Variants in MYO9B observed in about 807,000 individuals in gnomAD.
The protein encoded by MYO9B is unconventional myosin-IXb.
Under a neutral mutation model 229.5 loss-of-function variants are expected in MYO9B, and 71 were observed. That is an observed-to-expected ratio of 0.31 (90% CI 0.26 to 0.38). MYO9B has a LOEUF of 0.38. Among genes scored for constraint, MYO9B ranks in the 10% least tolerant of loss-of-function variants. The pLI is 1.00. For missense variants in MYO9B, 2,255 were observed against 2,920.5 expected, an observed-to-expected ratio of 0.77 and a Z score of 5.25; for synonymous variants, 1,185 against 1,235.8, an observed-to-expected ratio of 0.96 and a Z score of 0.86.
Position 17,185,945 on chromosome 19 carries a change from G to A in MYO9B, c.2521G>A (p.Ala841Thr). The A allele has an allele frequency of 6.2e-7, 1 of 1,613,902 alleles. No individual in the cohort carries two copies. The highest frequency in any genetic ancestry group is 8.5e-7 in the Non-Finnish European group (1 of 1,179,810). ...GACATCCCTTAACAAGCTCTTGGAG[G>A]CACTGGGGAAGGCGGAGCCCTTCTT... ...FQTSLNKLLE[A>T]LGKAEPFFIR... The change falls in exon 18 of 40, where the codon GCA (alanine) becomes ACA (threonine). Residue 841 changes from alanine to threonine, a missense_variant. Physicochemically the swap from Ala to Thr is moderately conservative, Grantham distance 58. Coordinates refer to ENST00000682292, the MANE Select transcript of MYO9B (RefSeq NM_004145.4).
In MYO9B at chr19:17,211,892, A is replaced by G; in HGVS notation, c.6059-3A>G. The stretch of plus-strand genomic sequence containing the variant: ...AGTAACCCTGCCATCTGTCTCTCAA[A>G]AGGGCCCCCTGCGCCTGCTCTCCCT... On this transcript the variant is annotated splice_region_variant and splice_polypyrimidine_tract_variant and intron_variant, in intron 39 of 39. Coordinates refer to ENST00000682292, the MANE Select transcript of MYO9B (RefSeq NM_004145.4). 1 of 1,583,880 alleles carries G rather than the reference A, an allele frequency of 6.3e-7. No individual in the cohort carries two copies. Among genetic ancestry groups the G allele is most frequent in the East Asian group, 2.2e-5 (1 of 44,454 alleles).
intron 7 of MYO9B, among the ~76,000 whole-genome samples, chr19:17,159,191 C>G (rs923374793): frequency 8.6e-6 from 1 of 116,910 alleles, no homozygotes; most frequent in Non-Finnish European, 1.6e-5. Context: ...GAGACTCTGT[C>G]TCAAACAAAC....
At chr19:17,091,969 T>C (rs2123480319) in intron 1 of MYO9B, among the ~76,000 whole-genome samples, 1 of 152,266 alleles carries the variant, frequency 6.6e-6, no homozygotes, top group Middle Eastern at 3.4e-3. Flanking sequence ...CCCACAGGCT[T>C]TGTTCCCAGC....
intron 1 of MYO9B, among the ~76,000 whole-genome samples, chr19:17,086,402 A>G (rs1239837919): frequency 6.6e-6 from 1 of 152,138 alleles, no homozygotes; most frequent in Non-Finnish European, 1.5e-5. Context: ...GGCCTCAGCA[A>G]CCATTTGCCC....
At chr19:17,180,855 C>A (rs887162419) in intron 14 of MYO9B, 72 bp from the exon 15 acceptor site, 2 of 1,051,960 alleles carry the variant, frequency 1.9e-6, no homozygotes, top group Non-Finnish European at 2.8e-6. Context: ...GCGCTGGGAA[C>A]CCCGAGGTGG....
chr19:17,079,764 C>A (rs924539683), intron 1 of MYO9B, among the ~76,000 whole-genome samples: 1 of 152,184 alleles, frequency 6.6e-6, no homozygotes, highest in Admixed American at 6.5e-5. Flanking sequence ...CCCACCAGCC[C>A]TTTGTGTGCC....
intron 2 of MYO9B, among the ~76,000 whole-genome samples, chr19:17,132,179 T>TA (rs1491376293): frequency 2.7e-5 from 2 of 73,964 alleles, no homozygotes; most frequent in Non-Finnish European, 5.1e-5. Context: ...ATTTTATTTC[T>TA]TTTTTTTTTT....
intron 7 of MYO9B, 61 bp from the exon 8 acceptor site, chr19:17,159,334 G>A (rs2072572826): frequency 6.8e-7 from 1 of 1,460,848 alleles, no homozygotes; most frequent in Admixed American, 2.0e-5. Flanking sequence ...GTGATACCAG[G>A]ACATGCCTGA....
In MYO9B at chr19:17,102,560, G is replaced by A. The variant is rs375111116; in HGVS notation, c.840+3G>A. 1.9e-6 allele frequency: 3 copies of A among 1,576,078 alleles called. No homozygotes were observed. Among genetic ancestry groups the A allele is most frequent in the Non-Finnish European group, 2.6e-6 (3 of 1,159,292 alleles). On this transcript the variant is annotated splice_donor_region_variant and intron_variant, in intron 2 of 39. Coordinates refer to ENST00000682292, the MANE Select transcript of MYO9B (RefSeq NM_004145.4). ...TGGGTGCTGGCCCTGTGCTGGAGGT[G>A]AGCGGGGAAGCTGGTCGGTCTGTGG...
At chr19:17,191,294 C>A in intron 20 of MYO9B, 75 bp downstream of exon 20, 1 of 1,453,288 alleles carries the variant, frequency 6.9e-7, no homozygotes, top group Non-Finnish European at 9.1e-7. Context: ...TCCCCAGGCC[C>A]CCAGGGCCAC....
At chr19:17,094,050 T>TGTTGTC (rs1245838971) in intron 1 of MYO9B, among the ~76,000 whole-genome samples, 8 of 143,932 alleles carry the variant, frequency 5.6e-5, no homozygotes, top group African/African-American at 2.0e-4. Context: ...TTGTTGTTGT[T>TGTTGTC]GTTAAGACGG....
intron 1 of MYO9B, among the ~76,000 whole-genome samples, chr19:17,079,754 C>A (rs1263945761): frequency 6.6e-6 from 1 of 152,190 alleles, no homozygotes; most frequent in Non-Finnish European, 1.5e-5. Flanking sequence ...CCACACCCCA[C>A]CCACCAGCCC....
intron 28 of MYO9B, 86 bp from the exon 29 acceptor site, chr19:17,202,756 A>G (rs2073121363): frequency 1.5e-6 from 2 of 1,372,906 alleles, no homozygotes; most frequent in Non-Finnish European, 2.0e-6. Context: ...CAGGGTACCC[A>G]CACGCCTGAG....
Position 17,205,346 on chromosome 19 carries a change from C to CG in MYO9B, c.5064+11dup. 6.2e-7 allele frequency: 1 copy of CG among 1,612,458 alleles called. No homozygotes were observed. Among genetic ancestry groups the CG allele is most frequent in the Non-Finnish European group, 8.5e-7 (1 of 1,178,722 alleles). ...CACCTACGGGAGGAAGGTGAGTGTA[C>CG]GAGGCCTGGAACTTTCTACAATGAC... On this transcript the variant is annotated intron_variant, in intron 31 of 39. Coordinates refer to ENST00000682292, the MANE Select transcript of MYO9B (RefSeq NM_004145.4).
In MYO9B at chr19:17,186,020, T is replaced by G. The variant is rs2072915549; in HGVS notation, c.2577+19T>G. ...TGAAAAGGTGAGTTTCTCTAAGGTG[T>G]TTGGGAGGAGAAGGCCCATGCCGGA... On this transcript the variant is annotated intron_variant, in intron 18 of 39. Transcript: ENST00000682292. The G allele has an allele frequency of 6.2e-7, 1 of 1,611,068 alleles. No homozygotes were observed. Among genetic ancestry groups the G allele is most frequent in the South Asian group, 1.1e-5 (1 of 91,012 alleles).
intron 2 of MYO9B, among the ~76,000 whole-genome samples, chr19:17,112,717 C>T (rs1010443152): frequency 6.6e-6 from 1 of 152,172 alleles, no homozygotes; most frequent in Non-Finnish European, 1.5e-5. Context: ...GTGCACCAGC[C>T]ACACAAAGAA....
At position 17,196,782 on chromosome 19, in the gene MYO9B, G is replaced by T. The variant is rs2073047960; in HGVS notation, c.4047-1010G>T. On this transcript the variant is annotated intron_variant, in intron 22 of 39. Coordinates refer to ENST00000682292, the MANE Select transcript of MYO9B (RefSeq NM_004145.4). ...AGGTAGGTAGAGACAATGAATGGAGGGATGGAAGATAGGTAGAGATGATGG... is the reference window on the plus strand; with the variant it reads ...AGGTAGGTAGAGACAATGAATGGAGTGATGGAAGATAGGTAGAGATGATGG... Among the ~76,000 whole-genome samples, 3 of 152,152 alleles carry T rather than the reference G, an allele frequency of 2.0e-5. No homozygotes were observed. In the South Asian group the frequency reaches 6.2e-4, roughly 32 times the overall value.
rs1206960842 is a variant in MYO9B at position 17,162,331 on chromosome 19, AC to A, written c.1420-14del. 3.4e-5 allele frequency: 52 copies of A among 1,550,930 alleles called. No homozygotes were observed. Among genetic ancestry groups the A allele is most frequent in the Middle Eastern group, 3.3e-4 (2 of 6,012 alleles). ...GGGCCTGCCGTGCCGGAGGTGAGTC[AC>A]CCCCTCTGTGTCCACAGGCCATCAC... On this transcript the variant is annotated intron_variant, in intron 8 of 39. Coordinates refer to ENST00000682292, the MANE Select transcript of MYO9B (RefSeq NM_004145.4).
chr19:17,170,200 T>C (rs1224365601), intron 11 of MYO9B, among the ~76,000 whole-genome samples: 2 of 151,960 alleles, frequency 1.3e-5, no homozygotes, highest in Non-Finnish European at 2.9e-5. Context: ...CCTGACCCTG[T>C]CTTCTGTTTT....
Sources: gnomAD v4.1 joint callset for allele counts (sites outside exome capture counted in the v4.1 genomes callset) on GRCh38, gnomAD v4.1.1 for gene constraint, MANE v1.5 for transcripts, NCBI Gene and HGNC (gene_info 2026-07-23, HGNC 2026-07-21) for gene names.